Variants in EPB41L4B observed in about 807,000 individuals in gnomAD.
The protein encoded by EPB41L4B is band 4.1-like protein 4B.
A neutral mutation model predicts 112.5 loss-of-function variants in EPB41L4B; 30 were observed. That is an observed-to-expected ratio of 0.27 (90% CI 0.20 to 0.36). EPB41L4B has a LOEUF of 0.36. Ranked by LOEUF, EPB41L4B falls within the 10% of genes least tolerant of loss-of-function variation. The pLI is 1.00. For synonymous variants in EPB41L4B, 408 were observed against 439.7 expected, an observed-to-expected ratio of 0.93 and a Z score of 0.90; for missense variants, 1,024 against 1,133.3, an observed-to-expected ratio of 0.90 and a Z score of 1.38.
intron 19 of EPB41L4B, among the ~76,000 whole-genome samples, chr9:109,201,400 T>C (rs1832820046): frequency 1.4e-5 from 2 of 143,042 alleles, no homozygotes; most frequent in Non-Finnish European, 3.0e-5. Flanking sequence ...CAATGAGCAA[T>C]GATTATGCTA....
At chr9:109,313,136 G>A (rs751834183) in intron 1 of EPB41L4B, among the ~76,000 whole-genome samples, 41 of 152,082 alleles carry the variant, frequency 2.7e-4, no homozygotes, top group Non-Finnish European at 4.0e-4. Context: ...GCTCACCCCC[G>A]GCACCACCCC....
chr9:109,208,163 G>A, intron 17 of EPB41L4B, 114 bp from the exon 18 acceptor site: 1 of 1,243,276 alleles, frequency 8.0e-7, no homozygotes, highest in East Asian at 2.4e-5. Context: ...CATAGACAGG[G>A]GTGTCACCAA....
At position 109,174,451 on chromosome 9, in the gene EPB41L4B, A is replaced by AAG; in HGVS notation, c.*102_*103insCT. 8.7e-7 allele frequency: 1 copy of AAG among 1,151,430 alleles called. No homozygotes were observed. The highest frequency in any genetic ancestry group is 1.3e-6 in the Non-Finnish European group (1 of 765,510). 71.3% of individuals were successfully genotyped at this position (1,151,430 alleles called of 1,614,324 possible). Reference sequence around the variant, plus strand: ...ACTAACCATGGAGACCTGGGCGAACAGAGCACACACTTGTATGCTGTGCTA... The same window carrying AAG: ...ACTAACCATGGAGACCTGGGCGAACAAGGAGCACACACTTGTATGCTGTGCTA... On this transcript the variant is annotated 3_prime_UTR_variant, in exon 26 of 26. Coordinates refer to ENST00000374566, the MANE Select transcript of EPB41L4B (RefSeq NM_019114.5).
chr9:109,232,493 G>A (rs1017544153), intron 15 of EPB41L4B, among the ~76,000 whole-genome samples: 1 of 152,204 alleles, frequency 6.6e-6, no homozygotes, highest in Non-Finnish European at 1.5e-5. Flanking sequence ...AAGCTCAGCT[G>A]TGAGTGTAAA....
chr9:109,304,340 C>T (rs1156577420), intron 1 of EPB41L4B, among the ~76,000 whole-genome samples: 1 of 152,148 alleles, frequency 6.6e-6, no homozygotes, highest in African/African-American at 2.4e-5. Context: ...ATACTTGACC[C>T]CTAACATTTG....
At chr9:109,247,635 T>C (rs1454534547) in intron 14 of EPB41L4B, 121 bp downstream of exon 14, 1 of 611,726 alleles carries the variant, frequency 1.6e-6, no homozygotes, top group Non-Finnish European at 2.5e-6. Flanking sequence ...TCTCAAAATC[T>C]GATTACAAAT....
Position 109,217,044 on chromosome 9 carries a change from T to C in EPB41L4B, c.1511A>G (p.His504Arg). 1.9e-6 allele frequency: 3 copies of C among 1,614,216 alleles called. No homozygotes were observed. Among genetic ancestry groups the C allele is most frequent in the Non-Finnish European group, 2.5e-6 (3 of 1,180,040 alleles). The change falls in exon 16 of 26, where the codon CAT becomes CGT. Residue 504 changes from histidine to arginine, a missense_variant. Physicochemically the swap from His to Arg is conservative, Grantham distance 29. Coordinates refer to ENST00000374566, the MANE Select transcript of EPB41L4B (RefSeq NM_019114.5). ...TPFLTAASGR[H>R]HHQHQHQHQH... ...ATGCTGATGCTGGTGCTGGTGGTGA[T>C]GCCTTCCTGAAGCTGCGGTGAGGAA... is the stretch of plus-strand genomic sequence containing the variant.
chr9:109,258,423 T>C, intron 6 of EPB41L4B, 126 bp from the exon 7 acceptor site: 1 of 983,094 alleles, frequency 1.0e-6, no homozygotes, highest in Non-Finnish European at 1.5e-6. Flanking sequence ...TATAACTCTC[T>C]CCTTTCGGGA....
chr9:109,315,970 A>C (rs992823501), intron 1 of EPB41L4B, among the ~76,000 whole-genome samples: 1 of 152,110 alleles, frequency 6.6e-6, no homozygotes, highest in Admixed American at 6.5e-5. Flanking sequence ...ACTTCTTCAA[A>C]TCTTTCCAAA....
intron 15 of EPB41L4B, chr9:109,241,585 T>C: frequency 6.3e-7 from 1 of 1,591,874 alleles, no homozygotes; most frequent in South Asian, 1.1e-5. Flanking sequence ...AACACATCCA[T>C]CCATCTGAGG....
intron 1 of EPB41L4B, among the ~76,000 whole-genome samples, chr9:109,287,112 ACATAGTTGC>A (rs770840624): frequency 9.8e-5 from 15 of 152,370 alleles, no homozygotes; most frequent in Non-Finnish European, 2.1e-4. Flanking sequence ...AAATAAGAGT[ACATAGTTGC>A]CAGTGAAAGA....
At chr9:109,294,986 C>T (rs534096815) in intron 1 of EPB41L4B, among the ~76,000 whole-genome samples, 17 of 152,258 alleles carry the variant, frequency 1.1e-4, no homozygotes, top group African/African-American at 3.1e-4. Flanking sequence ...CTGACATCCA[C>T]GGTGACGAGG....
intron 2 of EPB41L4B, among the ~76,000 whole-genome samples, chr9:109,274,659 G>A (rs900123690): frequency 2.6e-5 from 4 of 152,106 alleles, no homozygotes; most frequent in African/African-American, 9.7e-5. Flanking sequence ...TTCTATATAT[G>A]TATGTACGCA....
intron 5 of EPB41L4B, 102 bp downstream of exon 5, chr9:109,264,878 A>T: frequency 9.0e-7 from 1 of 1,116,526 alleles, no homozygotes; most frequent in Non-Finnish European, 1.2e-6. Flanking sequence ...CTTTTTTTGA[A>T]TTTTGAAAAG....
At chr9:109,211,576 CAG>C (rs1208714036) in intron 17 of EPB41L4B, among the ~76,000 whole-genome samples, 4 of 138,830 alleles carry the variant, frequency 2.9e-5, no homozygotes, top group Non-Finnish European at 6.1e-5. Context: ...GCCTGGGAGA[CAG>C]AGTGAGACGC....
chr9:109,234,883 C>G (rs1834085427), intron 15 of EPB41L4B, among the ~76,000 whole-genome samples: 1 of 152,182 alleles, frequency 6.6e-6, no homozygotes, highest in Non-Finnish European at 1.5e-5. Flanking sequence ...AAAACAACAA[C>G]AAAATGGCAA....
At chr9:109,237,470 C>T (rs1294843693) in intron 15 of EPB41L4B, among the ~76,000 whole-genome samples, 5 of 152,172 alleles carry the variant, frequency 3.3e-5, no homozygotes. Context: ...TGTGGTTTTA[C>T]TGTCAAGTAA....
chr9:109,260,661 C>T (rs1312813489), intron 6 of EPB41L4B, among the ~76,000 whole-genome samples: 1 of 152,168 alleles, frequency 6.6e-6, no homozygotes, highest in Admixed American at 6.5e-5. Flanking sequence ...GTAATCCACC[C>T]GCCTCGGCCT....
intron 25 of EPB41L4B, 87 bp from the exon 26 acceptor site, chr9:109,174,710 T>C (rs1452257047): frequency 1.8e-6 from 2 of 1,125,334 alleles, no homozygotes; most frequent in South Asian, 1.3e-5. Flanking sequence ...CCAGGTTCTT[T>C]CCTGATCTCA....
Sources: gnomAD v4.1 joint callset for allele counts (sites outside exome capture counted in the v4.1 genomes callset) on GRCh38, gnomAD v4.1.1 for gene constraint, MANE v1.5 for transcripts, NCBI Gene and HGNC (gene_info 2026-07-23, HGNC 2026-07-21) for gene names.